The following KIF26A variants were observed in gnomAD, a reference collection of about 807,000 sequenced individuals.
KIF26A encodes the protein kinesin-like protein KIF26A.
Under a neutral mutation model 126.0 loss-of-function variants are expected in KIF26A, and 74 were observed. That is an observed-to-expected ratio of 0.59 (90% confidence interval 0.49 to 0.71). The LOEUF (loss-of-function observed/expected upper bound fraction) is 0.71, where lower values mean the gene tolerates loss of function less well. Among genes scored for constraint, KIF26A ranks in the 30% least tolerant of loss-of-function variants. KIF26A has a pLI of 0.00. For synonymous variants in KIF26A, 1,445 were observed against 1,232.7 expected, an observed-to-expected ratio of 1.17 and a Z score of -3.61; for missense variants, 2,984 against 2,763.3, an observed-to-expected ratio of 1.08 and a Z score of -1.79.
intron 4 of KIF26A, among the ~76,000 whole-genome samples, chr14:104,163,694 C>T (rs570922941): frequency 6.6e-6 from 1 of 151,620 alleles, no homozygotes; most frequent in East Asian, 2.0e-4. Flanking sequence ...CCCGGAACCC[C>T]GAGCATGCGC....
chr14:104,158,033 G>A (rs1294157624), intron 4 of KIF26A, 91 bp downstream of exon 4: 17 of 1,236,420 alleles, frequency 1.4e-5, no homozygotes, highest in East Asian at 2.9e-5. Context: ...GTTCTTGGGG[G>A]ACCTCGGGCA....
intron 3 of KIF26A, among the ~76,000 whole-genome samples, chr14:104,154,331 G>A (rs879822830): frequency 6.6e-6 from 1 of 152,184 alleles, no homozygotes; most frequent in Non-Finnish European, 1.5e-5. Flanking sequence ...GGCCTCGGCC[G>A]AGGCTTGGCA....
Position 104,139,273 on chromosome 14 carries a change from CG to C in KIF26A, c.276del (p.Thr93ProfsTer115). On this transcript the variant is annotated frameshift_variant, in exon 2 of 15. Transcript: ENST00000423312. LOFTEE classifies it high-confidence loss of function. Reference sequence around the variant, plus strand: ...AGGCGTGGAAGCTGGTCAGCGGGCCCGGGACCACCCTCCGGGTAAGTGACAC... The same window carrying C: ...AGGCGTGGAAGCTGGTCAGCGGGCCCGGACCACCCTCCGGGTAAGTGACAC... ...RQAWKLVSGP[G>X]TTLRDPCLSA... is the part of the protein sequence containing the mutation. The C allele has an allele frequency of 6.6e-7, 1 of 1,519,438 alleles. No homozygotes were observed. The highest frequency in any genetic ancestry group is 1.7e-4 in the Middle Eastern group (1 of 5,834). The allele number at this position is 1,519,438 out of a possible 1,614,324, so 94.1% of individuals were successfully genotyped here.
At chr14:104,162,477 G>A (rs1352239349) in intron 4 of KIF26A, among the ~76,000 whole-genome samples, 4 of 152,190 alleles carry the variant, frequency 2.6e-5, no homozygotes, top group African/African-American at 9.7e-5. Context: ...GGGGCAAAGG[G>A]CCAGCCTGGT....
intron 3 of KIF26A, among the ~76,000 whole-genome samples, chr14:104,155,222 C>T (rs2037765567): frequency 6.6e-6 from 1 of 152,188 alleles, no homozygotes; most frequent in African/African-American, 2.4e-5. Flanking sequence ...AGGTGTTTAT[C>T]TGGGGGGCTG....
Position 104,179,310 on chromosome 14 carries a change from G to A in KIF26A, c.5391G>A (p.Lys1797=). 2 of 1,539,352 alleles carry A rather than the reference G, an allele frequency of 1.3e-6. No individual in the cohort carries two copies. The highest frequency in any genetic ancestry group is 1.2e-5 in the South Asian group (1 of 83,646). ...AGCGGCTGCGGGAGGTGCAGGCCAA[G>A]CACAAGCACCTGTGTGAGGAGCTGG... ...RQQRLREVQA[K]HKHLCEELAE... The change falls in exon 14 of 15, where the codon AAG becomes AAA. Residue 1797 remains lysine, a synonymous_variant. Coordinates refer to ENST00000423312, the MANE Select transcript of KIF26A (RefSeq NM_015656.2).
chr14:104,162,930 G>GC (rs2037846605), intron 4 of KIF26A, among the ~76,000 whole-genome samples: 1 of 152,126 alleles, frequency 6.6e-6, no homozygotes, highest in South Asian at 2.1e-4. Context: ...CCCCCGCCCC[G>GC]CCCCAAGAAA....
In KIF26A at chr14:104,176,580, A is replaced by C; in HGVS notation, c.3792A>C (p.Thr1264=). The change falls in exon 12 of 15, where the codon ACA becomes ACC. Residue 1264 remains threonine, a synonymous_variant. Coordinates refer to ENST00000423312, the MANE Select transcript of KIF26A (RefSeq NM_015656.2). ...AASAGRAPSP[T]LGSPRLPEAQ... is the part of the protein sequence containing the mutation. ...CTGCTGGCAGGGCCCCCAGCCCCACACTTGGCTCCCCCCGGCTGCCTGAGG... is the reference window on the plus strand; with the variant it reads ...CTGCTGGCAGGGCCCCCAGCCCCACCCTTGGCTCCCCCCGGCTGCCTGAGG... The C allele has an allele frequency of 6.2e-7, 1 of 1,608,040 alleles. No homozygotes were observed. The highest frequency in any genetic ancestry group is 8.5e-7 in the Non-Finnish European group (1 of 1,179,642).
chr14:104,146,265 A>G (rs960880040), intron 2 of KIF26A, among the ~76,000 whole-genome samples: 3 of 151,792 alleles, frequency 2.0e-5, no homozygotes, highest in African/African-American at 7.3e-5. Flanking sequence ...GGGTGTTGGG[A>G]TGGTGCCAGG....
intron 1 of KIF26A, 69 bp downstream of exon 1, chr14:104,138,833 G>A: frequency 8.0e-7 from 1 of 1,253,998 alleles, no homozygotes; most frequent in Non-Finnish European, 1.0e-6. Flanking sequence ...TACTCGCGGT[G>A]TGCGCTGGAT....
At position 104,149,355 on chromosome 14, in the gene KIF26A, C is replaced by T. The variant is rs945235444; in HGVS notation, c.289-2660C>T. Among the ~76,000 whole-genome samples, 7 of 152,172 alleles carry T rather than the reference C, an allele frequency of 4.6e-5. No individual in the cohort carries two copies. In the South Asian group the frequency reaches 1.0e-3, roughly 23 times the overall value. On this transcript the variant is annotated intron_variant, in intron 2 of 14. Coordinates refer to ENST00000423312, the MANE Select transcript of KIF26A (RefSeq NM_015656.2). ...ACTCGTGGGCTTTCGCTGTGGGGCCCGGCCTCCAGGATGCTGGCTGGCACC... is the reference window on the plus strand; with the variant it reads ...ACTCGTGGGCTTTCGCTGTGGGGCCTGGCCTCCAGGATGCTGGCTGGCACC...
intron 4 of KIF26A, among the ~76,000 whole-genome samples, chr14:104,163,041 G>C (rs914581023): frequency 6.6e-6 from 1 of 152,244 alleles, no homozygotes; most frequent in Non-Finnish European, 1.5e-5. Flanking sequence ...CGGGGCCGCA[G>C]CTTCTTCCCT....
At chr14:104,153,703 C>T (rs2037751875) in intron 3 of KIF26A, among the ~76,000 whole-genome samples, 1 of 152,174 alleles carries the variant, frequency 6.6e-6, no homozygotes, top group African/African-American at 2.4e-5. Flanking sequence ...AGCTGGGCAG[C>T]ATCCTGGAGG....
Position 104,166,141 on chromosome 14 carries a change from C to T in KIF26A, c.924-718C>T, listed in dbSNP as rs181633808. On this transcript the variant is annotated intron_variant, in intron 4 of 14. Coordinates refer to ENST00000423312, the MANE Select transcript of KIF26A (RefSeq NM_015656.2). ...CCCTGGCTGAGGGGCAGGGTGGCAGCGGGGGCACTTCCCAGCAGCCCTGAG... is the reference window on the plus strand; with the variant it reads ...CCCTGGCTGAGGGGCAGGGTGGCAGTGGGGGCACTTCCCAGCAGCCCTGAG... Among the ~76,000 whole-genome samples, 1,455 of 151,834 alleles carry T rather than the reference C, an allele frequency of 9.6e-3. 28 individuals carry two copies. The highest frequency in any genetic ancestry group is 0.032 in the African/African-American group (1,327 of 41,322).
At position 104,178,139 on chromosome 14, in the gene KIF26A, C is replaced by T. The variant is rs980089303; in HGVS notation, c.5110+241C>T. Among the ~76,000 whole-genome samples the T allele has an allele frequency of 5.3e-5, 8 of 152,364 alleles. No homozygotes were observed. The East Asian group carries it at 5.8e-4, about 11-fold the overall frequency. On this transcript the variant is annotated intron_variant, in intron 12 of 14. Coordinates refer to ENST00000423312, the MANE Select transcript of KIF26A (RefSeq NM_015656.2). ...TTGCCCTTCTCTGGCCCCACCCTGC[C>T]CTGGGGGGCTGATCCTGGTCTGTGT...
chr14:104,163,199 C>T (rs2037848993), intron 4 of KIF26A, among the ~76,000 whole-genome samples: 1 of 152,072 alleles, frequency 6.6e-6, no homozygotes, highest in Non-Finnish European at 1.5e-5. Context: ...CACCTGTGCC[C>T]CCAAATGGGC....
rs1452410313 is a variant in KIF26A, at chr14:104,177,808, T to G, written c.5020T>G (p.Ser1674Ala). The change falls in exon 12 of 15, where the codon TCC becomes GCC. Residue 1674 changes from serine to alanine, a missense_variant. Ser to Ala is a moderately conservative substitution (Grantham distance 99). Coordinates refer to ENST00000423312, the MANE Select transcript of KIF26A (RefSeq NM_015656.2). ...RRDSEATGSA[S>A]SAPDSMSESG... Reference sequence around the variant, plus strand: ...CGACAGCGAGGCCACCGGCAGCGCCTCCTCCGCCCCTGACTCCATGAGCGA... The same window carrying G: ...CGACAGCGAGGCCACCGGCAGCGCCGCCTCCGCCCCTGACTCCATGAGCGA... 2.6e-6 allele frequency: 4 copies of G among 1,564,074 alleles called. No individual in the cohort carries two copies. The highest frequency in any genetic ancestry group is 1.4e-5 in the African/African-American group (1 of 74,018).
chr14:104,170,021 G>A (rs952113681), intron 5 of KIF26A, among the ~76,000 whole-genome samples: 2 of 152,148 alleles, frequency 1.3e-5, no homozygotes, highest in South Asian at 2.1e-4. Context: ...CCTCCCTGGG[G>A]AGGCCCACAC....
Position 104,177,765 on chromosome 14 carries a change from C to T in KIF26A, c.4977C>T (p.Gly1659=), listed in dbSNP as rs1420172835. 1 of 1,547,352 alleles carries T rather than the reference C, an allele frequency of 6.5e-7. No homozygotes were observed. Among genetic ancestry groups the T allele is most frequent in the East Asian group, 2.4e-5 (1 of 41,736 alleles). ...ALFHHSGGSS[G]YESLRRDSEA... ...TCCACCACAGCGGTGGCAGCAGTGG[C>T]TATGAGAGCCTGCGGCGCGACAGCG... Residue 1659 remains glycine (G), a synonymous_variant, in exon 12 of 15, where the codon GGC becomes GGT. Coordinates refer to ENST00000423312, the MANE Select transcript of KIF26A (RefSeq NM_015656.2).
Sources: gnomAD v4.1 joint callset for allele counts (sites outside exome capture counted in the v4.1 genomes callset) on GRCh38, gnomAD v4.1.1 for gene constraint, MANE v1.5 for transcripts, NCBI Gene and HGNC (gene_info 2026-07-23, HGNC 2026-07-21) for gene names.